Variants in NAALADL2 observed in about 807,000 individuals in gnomAD.
NAALADL2 encodes the protein N-acetylated alpha-linked acidic dipeptidase like 2.
NAALADL2 carries 76 observed loss-of-function variants against 87.2 expected under a neutral mutation model. The observed-to-expected ratio is 0.87, with a 90% confidence interval of 0.72 to 1.05. The LOEUF is 1.05. Among genes scored for constraint, NAALADL2 ranks in the 50% least tolerant of loss-of-function variants. The pLI, the probability that NAALADL2 is intolerant of heterozygous loss-of-function variation, is 0.00. For synonymous variants in NAALADL2, 354 were observed against 331.0 expected, an observed-to-expected ratio of 1.07 and a Z score of -0.75; for missense variants, 1,089 against 945.8, an observed-to-expected ratio of 1.15 and a Z score of -1.99.
At chr3:175,754,890 C>T (rs1747056790) in intron 12 of NAALADL2, among the ~76,000 whole-genome samples, 1 of 152,252 alleles carries the variant, frequency 6.6e-6, no homozygotes, top group East Asian at 1.9e-4. Flanking sequence ...TACCTATTTA[C>T]TGTTGTTATT....
chr3:174,910,565 AAGGTAGGAGTTAATTTTACATATGC>A (rs1276690431), intron 1 of NAALADL2, among the ~76,000 whole-genome samples: 2 of 151,992 alleles, frequency 1.3e-5, no homozygotes, highest in East Asian at 3.9e-4. Context: ...AATAGCAGGA[AAGGTAGGAGTTAATTTTACATATGC>A]AGGTAGGAGT....
rs1238795657 is a variant in NAALADL2, at chr3:175,765,466, A to C, written c.2189+10048A>C. Among the ~76,000 whole-genome samples, 4 of 152,130 alleles carry C rather than the reference A, an allele frequency of 2.6e-5. No individual in the cohort carries two copies. The East Asian group carries it at 7.7e-4, about 29-fold the overall frequency. On this transcript the variant is annotated intron_variant, in intron 13 of 13. Transcript: ENST00000454872. ...AACATACCTCATTTTAACAGACAACATTCAAATACAATTTGATTAGACATT... is the reference window on the plus strand; with the variant it reads ...AACATACCTCATTTTAACAGACAACCTTCAAATACAATTTGATTAGACATT...
chr3:175,133,053 C>A (rs1309895358), intron 2 of NAALADL2, among the ~76,000 whole-genome samples: 2 of 150,998 alleles, frequency 1.3e-5, no homozygotes, highest in Non-Finnish European at 3.0e-5. Flanking sequence ...GACGGGGCGG[C>A]GGGGCAGAGG....
chr3:175,644,740 G>A (rs1319899760), intron 11 of NAALADL2, among the ~76,000 whole-genome samples: 1 of 151,972 alleles, frequency 6.6e-6, no homozygotes, highest in African/African-American at 2.4e-5. Context: ...CCATATAAAT[G>A]TAAAAATTAG....
intron 1 of NAALADL2, among the ~76,000 whole-genome samples, chr3:175,042,813 G>C (rs985164636): frequency 6.6e-6 from 1 of 152,168 alleles, no homozygotes; most frequent in African/African-American, 2.4e-5. Flanking sequence ...GTGATACCCA[G>C]TGTTGGAGAT....
chr3:175,501,674 A>G (rs1560662013), intron 9 of NAALADL2, among the ~76,000 whole-genome samples: 1 of 152,160 alleles, frequency 6.6e-6, no homozygotes, highest in Non-Finnish European at 1.5e-5. Context: ...TAGGGAAAAG[A>G]GCAATAGCAG....
chr3:175,196,362 G>C (rs1738992246), intron 2 of NAALADL2, among the ~76,000 whole-genome samples: 1 of 151,638 alleles, frequency 6.6e-6, no homozygotes, highest in African/African-American at 2.4e-5. Flanking sequence ...TTTCCATATG[G>C]GGCACTTTCA....
At chr3:174,643,879 A>G (rs1723510575) in intron 2 of NAALADL2, among the ~76,000 whole-genome samples, 2 of 152,336 alleles carry the variant, frequency 1.3e-5, no homozygotes, top group South Asian at 4.1e-4. Context: ...CATAATAAAA[A>G]ATACATGGAA....
At chr3:175,441,226 C>G (rs892480897) in intron 5 of NAALADL2, among the ~76,000 whole-genome samples, 1 of 151,934 alleles carries the variant, frequency 6.6e-6, no homozygotes, top group Non-Finnish European at 1.5e-5. Context: ...AAAAGCAAAA[C>G]TTGAATTTTC....
At chr3:174,672,777 A>G (rs1428761483) in intron 2 of NAALADL2, among the ~76,000 whole-genome samples, 1 of 152,016 alleles carries the variant, frequency 6.6e-6, no homozygotes, top group Non-Finnish European at 1.5e-5. Context: ...AGATTCCTAA[A>G]GTGAGAGAAG....
intron 6 of NAALADL2, among the ~76,000 whole-genome samples, chr3:175,451,228 C>T (rs1012558502): frequency 2.6e-5 from 4 of 151,942 alleles, no homozygotes; most frequent in Admixed American, 6.6e-5. Flanking sequence ...TGATACAAAT[C>T]ATAACACTTA....
At chr3:175,398,348 T>TGTTTTC (rs1553883992) in intron 5 of NAALADL2, among the ~76,000 whole-genome samples, 8 of 81,764 alleles carry the variant, frequency 9.8e-5, no homozygotes, top group African/African-American at 1.9e-4. Flanking sequence ...CTGCTACTTT[T>TGTTTTC]TTTTTTTTTT....
At chr3:175,590,345 T>TC (rs202199161) in intron 10 of NAALADL2, among the ~76,000 whole-genome samples, 2,445 of 151,440 alleles carry the variant, frequency 0.016, 34 homozygotes, top group Non-Finnish European at 0.025. Context: ...TGAATTTTTT[T>TC]TTTTTTTTGG....
At chr3:174,869,749 A>G (rs938304837) in intron 1 of NAALADL2, among the ~76,000 whole-genome samples, 5 of 152,042 alleles carry the variant, frequency 3.3e-5, no homozygotes, top group South Asian at 2.1e-4. Context: ...AATAAAACGC[A>G]CTTTGGGAGG....
intron 2 of NAALADL2, among the ~76,000 whole-genome samples, chr3:175,217,689 A>G (rs1742763504): frequency 6.6e-6 from 1 of 152,240 alleles, no homozygotes; most frequent in African/African-American, 2.4e-5. Flanking sequence ...TCAAAGCTCT[A>G]GTTTTAACCA....
At position 175,803,287 on chromosome 3, in the gene NAALADL2, C is replaced by CTTAT. The variant is rs1754414315; in HGVS notation, c.*87_*90dup. Reference sequence around the variant, plus strand: ...TAACCAGATTTTCTGACATTGAAGGCTTATTTTCCCCAATGGCTTTTTGAC... The same window carrying CTTAT: ...TAACCAGATTTTCTGACATTGAAGGCTTATTTATTTTCCCCAATGGCTTTTTGAC... On this transcript the variant is annotated 3_prime_UTR_variant, in exon 14 of 14. Transcript: ENST00000454872. 4 of 905,182 alleles carry CTTAT rather than the reference C, an allele frequency of 4.4e-6. No individual in the cohort carries two copies. The allele number at this position is 905,182 out of a possible 1,614,324, so 56.1% of individuals were successfully genotyped here. A position where few individuals can be genotyped will look rare whatever the true frequency, so the allele number is the denominator to read the frequency against.
chr3:174,801,927 TC>T (rs1160473054), intron 3 of NAALADL2, among the ~76,000 whole-genome samples: 1 of 152,038 alleles, frequency 6.6e-6, no homozygotes, highest in Non-Finnish European at 1.5e-5. Context: ...GATTTGTGTT[TC>T]CAAAATTAAT....
intron 3 of NAALADL2, among the ~76,000 whole-genome samples, chr3:174,741,226 T>C (rs929462426): frequency 1.3e-5 from 2 of 151,718 alleles, no homozygotes; most frequent in South Asian, 2.1e-4. Flanking sequence ...CTTTTCATTA[T>C]GTCCTTAAGT....
At chr3:175,427,061 A>G (rs1215620830) in intron 5 of NAALADL2, among the ~76,000 whole-genome samples, 1 of 152,214 alleles carries the variant, frequency 6.6e-6, no homozygotes, top group East Asian at 1.9e-4. Flanking sequence ...TCAGAGCAAA[A>G]GACTTCACTT....
Sources: gnomAD v4.1 joint callset for allele counts (sites outside exome capture counted in the v4.1 genomes callset) on GRCh38, gnomAD v4.1.1 for gene constraint, MANE v1.5 for transcripts, NCBI Gene and HGNC (gene_info 2026-07-23, HGNC 2026-07-21) for gene names.